The following LRRTM4 variants were observed in gnomAD, a reference collection of about 807,000 sequenced individuals.
The protein encoded by LRRTM4 is leucine rich repeat transmembrane neuronal 4.
LRRTM4 carries 25 observed loss-of-function variants against 47.6 expected under a neutral mutation model. The ratio of observed to expected loss-of-function variants is 0.53; its 90% confidence interval spans 0.38 to 0.73. The LOEUF (loss-of-function observed/expected upper bound fraction) is 0.73, where lower values mean the gene tolerates loss of function less well. LRRTM4 is among the 30% of genes least tolerant of loss of function. The pLI is 0.00. For missense variants in LRRTM4, 638 were observed against 713.4 expected (o/e 0.89, Z 1.20); for synonymous variants, 311 against 269.5 (o/e 1.15, Z -1.51).
chr2:76,873,979 T>C (rs1672710254), intron 3 of LRRTM4, among the ~76,000 whole-genome samples: 1 of 151,948 alleles, frequency 6.6e-6, no homozygotes, highest in Admixed American at 6.6e-5. Flanking sequence ...GTAAACCAGA[T>C]TTAATAAAAA....
At chr2:77,473,107 CT>C (rs1176491009) in intron 3 of LRRTM4, among the ~76,000 whole-genome samples, 2 of 152,024 alleles carry the variant, frequency 1.3e-5, no homozygotes, top group Non-Finnish European at 2.9e-5. Context: ...TCACAGGCTA[CT>C]TTTTTCTGCA....
At chr2:77,025,280 A>G (rs1012030675) in intron 3 of LRRTM4, among the ~76,000 whole-genome samples, 1 of 152,194 alleles carries the variant, frequency 6.6e-6, no homozygotes, top group Non-Finnish European at 1.5e-5. Flanking sequence ...TTGATTTACG[A>G]CTACAAAATC....
chr2:77,036,057 A>G (rs181390295), intron 3 of LRRTM4, among the ~76,000 whole-genome samples: 29 of 152,000 alleles, frequency 1.9e-4, no homozygotes, highest in African/African-American at 7.0e-4. Context: ...GTTACTACAT[A>G]AAAGCTAAAG....
chr2:76,779,178 C>G (rs1247460407), intron 3 of LRRTM4, among the ~76,000 whole-genome samples: 2 of 151,928 alleles, frequency 1.3e-5, no homozygotes, highest in Non-Finnish European at 2.9e-5. Context: ...GCTTTACTTC[C>G]AAGTATGTGG....
intron 3 of LRRTM4, among the ~76,000 whole-genome samples, chr2:77,487,878 G>A (rs1272853041): frequency 6.6e-6 from 1 of 152,164 alleles, no homozygotes; most frequent in East Asian, 1.9e-4. Context: ...CCTGCAAAGA[G>A]GACCTACCCA....
intron 3 of LRRTM4, among the ~76,000 whole-genome samples, chr2:76,998,256 T>C (rs1417391474): frequency 6.6e-6 from 1 of 152,074 alleles, no homozygotes; most frequent in Non-Finnish European, 1.5e-5. Context: ...CTGCCTGCTA[T>C]CCCATTCAGC....
chr2:77,207,397 A>G (rs964320213), intron 3 of LRRTM4, among the ~76,000 whole-genome samples: 1 of 147,684 alleles, frequency 6.8e-6, no homozygotes, highest in African/African-American at 2.5e-5. Flanking sequence ...TTATATACAC[A>G]TATATATTTC....
At chr2:77,145,556 C>T (rs1394833310) in intron 3 of LRRTM4, among the ~76,000 whole-genome samples, 2 of 151,128 alleles carry the variant, frequency 1.3e-5, no homozygotes, top group East Asian at 2.0e-4. Flanking sequence ...ATCATGAGGC[C>T]GGGAGATCGA....
intron 3 of LRRTM4, among the ~76,000 whole-genome samples, chr2:76,769,711 C>T (rs1673605318): frequency 6.6e-6 from 1 of 151,910 alleles, no homozygotes; most frequent in African/African-American, 2.4e-5. Context: ...TTTAACAGGA[C>T]CCCCCAGATG....
chr2:77,490,895 GA>G (rs918195542), intron 3 of LRRTM4, among the ~76,000 whole-genome samples: 3 of 150,730 alleles, frequency 2.0e-5, no homozygotes, highest in African/African-American at 7.3e-5. Context: ...CAAAGAAAAA[GA>G]AAAAAAAGCA....
chr2:77,414,491 G>A (rs1339748175), intron 3 of LRRTM4, among the ~76,000 whole-genome samples: 1 of 152,094 alleles, frequency 6.6e-6, no homozygotes, highest in African/African-American at 2.4e-5. Context: ...AATGAGCCCT[G>A]TTCATACTTC....
At chr2:77,137,349 C>G (rs1014474716) in intron 3 of LRRTM4, among the ~76,000 whole-genome samples, 5 of 151,872 alleles carry the variant, frequency 3.3e-5, no homozygotes, top group African/African-American at 1.2e-4. Flanking sequence ...AATTTTCAAC[C>G]CAGAATTTCA....
At chr2:76,885,118 G>C (rs1929448) in intron 3 of LRRTM4, among the ~76,000 whole-genome samples, 57,418 of 151,394 alleles carry the variant, frequency 0.38, 11,874 homozygotes, top group East Asian at 0.72. Context: ...ATAAGATTAT[G>C]TTCTATTATT....
At chr2:76,945,759 G>GTGTT (rs1356058379) in intron 3 of LRRTM4, among the ~76,000 whole-genome samples, 1 of 110,558 alleles carries the variant, frequency 9.0e-6, no homozygotes, top group Non-Finnish European at 2.2e-5. Flanking sequence ...GTAGAAGTGT[G>GTGTT]TGTGTGTGTG....
At chr2:76,894,535 T>C (rs1673350464) in intron 3 of LRRTM4, among the ~76,000 whole-genome samples, 1 of 152,190 alleles carries the variant, frequency 6.6e-6, no homozygotes, top group East Asian at 1.9e-4. Flanking sequence ...ACAGGTCAGT[T>C]GATTATCCAT....
intron 3 of LRRTM4, among the ~76,000 whole-genome samples, chr2:77,221,795 A>T (rs1214406005): frequency 6.6e-6 from 1 of 152,154 alleles, no homozygotes; most frequent in Non-Finnish European, 1.5e-5. Context: ...TAGACAGATC[A>T]ATGAGACAGA....
At chr2:76,987,946 T>G (rs752822594) in intron 3 of LRRTM4, among the ~76,000 whole-genome samples, 1 of 151,928 alleles carries the variant, frequency 6.6e-6, no homozygotes, top group Non-Finnish European at 1.5e-5. Context: ...AATATATTTA[T>G]TATATGAATA....
At chr2:77,206,881 C>A (rs186691587) in intron 3 of LRRTM4, among the ~76,000 whole-genome samples, 5 of 152,068 alleles carry the variant, frequency 3.3e-5, no homozygotes, top group Non-Finnish European at 7.4e-5. Context: ...ATTAAGGCAG[C>A]GTGGGTCACA....
At chr2:77,480,833 GAGAGAGAGAGA>G (rs1677668556) in intron 3 of LRRTM4, among the ~76,000 whole-genome samples, 17 of 49,088 alleles carry the variant, frequency 3.5e-4, no homozygotes, top group Admixed American at 9.8e-4. Flanking sequence ...GAGAGAGAGA[GAGAGAGAGAGA>G]GAGAGAGAGA....
Sources: allele counts gnomAD v4.1 joint callset (sites outside exome capture counted in the v4.1 genomes callset), GRCh38; gene constraint gnomAD v4.1.1; transcripts MANE v1.5; gene names NCBI Gene and HGNC (gene_info 2026-07-23, HGNC 2026-07-21).